Variants in TMEM25 observed in about 807,000 individuals in gnomAD.
TMEM25 encodes 0610039J01Rik.
A neutral mutation model predicts 37.0 loss-of-function variants in TMEM25; 36 were observed. The observed-to-expected ratio is 0.97, with a 90% CI of 0.75 to 1.28. The LOEUF is 1.28. Ranked by LOEUF, TMEM25 falls within the 50% of genes most tolerant of loss-of-function variation. The probability of loss-of-function intolerance (pLI) is 0.00; values close to 1 mark genes in which losing one functional copy is unlikely to be tolerated. For synonymous variants in TMEM25, 197 were observed against 203.7 expected, an observed-to-expected ratio of 0.97 and a Z score of 0.28; for missense variants, 444 against 477.9, an observed-to-expected ratio of 0.93 and a Z score of 0.66.
In TMEM25 at chr11:118,532,181, T is replaced by C; in HGVS notation, c.102T>C (p.Gly34=). 3.1e-6 allele frequency: 5 copies of C among 1,587,898 alleles called. No homozygotes were observed. The highest frequency in any genetic ancestry group is 4.3e-6 in the Non-Finnish European group (5 of 1,165,664). Residue 34 remains glycine (G), a synonymous_variant, in exon 3 of 9, where the codon GGT becomes GGC. Transcript: ENST00000313236. ...GGGAGTTGGAGCCACAAATAGATGG[T>C]CAGACCTGGGCTGAGCGGGCACTTC... ...GWGELEPQID[G]QTWAERALRE... is the part of the protein sequence containing the mutation.
intron 1 of TMEM25, chr11:118,531,551 C>G: frequency 3.5e-6 from 2 of 566,366 alleles, no homozygotes; most frequent in South Asian, 2.4e-5. Context: ...GTATTGTAGC[C>G]TGGAGTCAGT....
intron 8 of TMEM25, among the ~76,000 whole-genome samples, chr11:118,541,480 GA>G (rs1951578467): frequency 7.5e-6 from 1 of 133,864 alleles, no homozygotes; most frequent in Admixed American, 7.5e-5. Context: ...AAAAAAAAAA[GA>G]AAAAGAAACT....
chr11:118,545,063 A>G (rs781875159), intron 8 of TMEM25: 2 of 1,225,852 alleles, frequency 1.6e-6, no homozygotes, highest in Non-Finnish European at 2.4e-6. Flanking sequence ...GCTAATTGCT[A>G]TATTTTAACA....
At chr11:118,541,443 CAG>C (rs1951576937) in intron 8 of TMEM25, among the ~76,000 whole-genome samples, 1 of 130,628 alleles carries the variant, frequency 7.7e-6, no homozygotes, top group Non-Finnish European at 1.6e-5. Context: ...GCCTGGGTGA[CAG>C]AGCGAGACCC....
chr11:118,537,606 C>T (rs1295791035), downstream of TMEM25, among the ~76,000 whole-genome samples: 2 of 149,448 alleles, frequency 1.3e-5, no homozygotes, highest in African/African-American at 4.9e-5. Flanking sequence ...TTGATGGACA[C>T]TTAGGTTGAT....
chr11:118,541,945 C>T (rs1008286946), intron 8 of TMEM25, among the ~76,000 whole-genome samples: 5 of 152,102 alleles, frequency 3.3e-5, no homozygotes, highest in African/African-American at 9.7e-5. Context: ...TTTGTAGAGA[C>T]GTGGTTTCAC....
downstream of TMEM25, among the ~76,000 whole-genome samples, chr11:118,536,664 G>A (rs1316975112): frequency 1.4e-4 from 22 of 152,018 alleles, no homozygotes; most frequent in Admixed American, 1.4e-3. Flanking sequence ...CTATTTCAGG[G>A]GCTCTTGGCT....
Position 118,534,740 on chromosome 11 carries a change from C to T in TMEM25, c.*160C>T, listed in dbSNP as rs1555062332. The T allele has an allele frequency of 3.5e-6, 5 of 1,448,540 alleles. No homozygotes were observed. In the South Asian group the frequency reaches 5.8e-5, roughly 17 times the overall value. The allele number at this position is 1,448,540 out of a possible 1,614,324, so 89.7% of individuals were successfully genotyped here. ...TGCCCTCCATGTCATGCACGTGATG[C>T]ATTTCACTGGGCTGTAACCCGCAGG... On this transcript the variant is annotated 3_prime_UTR_variant, in exon 9 of 9. Coordinates refer to ENST00000313236, the MANE Select transcript of TMEM25 (RefSeq NM_032780.4). The surrounding 1 kb of genome is among the most constrained non-coding windows in gnomAD (Gnocchi z 4.6).
Position 118,534,879 on chromosome 11 carries a change from G to T in TMEM25, c.*299G>T. 7.9e-7 allele frequency: 1 copy of T among 1,266,458 alleles called. No individual in the cohort carries two copies. The highest frequency in any genetic ancestry group is 1.0e-6 in the Non-Finnish European group (1 of 997,664). The allele number at this position is 1,266,458 out of a possible 1,614,324, so 78.5% of individuals were successfully genotyped here. ...TCCAGAGGGAGCTCTTTGGCCAGGGGTGTTCAGATGTCATCCAGCATCCAA... is the reference window on the plus strand; with the variant it reads ...TCCAGAGGGAGCTCTTTGGCCAGGGTTGTTCAGATGTCATCCAGCATCCAA... On this transcript the variant is annotated 3_prime_UTR_variant, in exon 9 of 9. Coordinates refer to ENST00000313236, the MANE Select transcript of TMEM25 (RefSeq NM_032780.4). The surrounding 1 kb of genome is among the most constrained non-coding windows in gnomAD (Gnocchi z 4.6).
chr11:118,539,272 A>G (rs1193703541), downstream of TMEM25, among the ~76,000 whole-genome samples: 6 of 146,894 alleles, frequency 4.1e-5, no homozygotes, highest in Admixed American at 7.0e-5. Context: ...GGTTCAAGCG[A>G]TTCTCCTGCC....
chr11:118,538,290 G>A (rs1281820591), downstream of TMEM25, among the ~76,000 whole-genome samples: 1 of 151,420 alleles, frequency 6.6e-6, no homozygotes, highest in Non-Finnish European at 1.5e-5. Flanking sequence ...TTCTGCCTCA[G>A]CCTCCCCAGT....
downstream of TMEM25, among the ~76,000 whole-genome samples, chr11:118,540,280 G>A (rs1951562393): frequency 6.6e-6 from 1 of 151,910 alleles, no homozygotes; most frequent in Non-Finnish European, 1.5e-5. Context: ...GGCTGTGGGG[G>A]CTTCTGGTTC....
Position 118,534,356 on chromosome 11 carries a change from G to T in TMEM25, c.1027+1G>T. On this transcript the variant is annotated splice_donor_variant, in intron 8 of 8. Coordinates refer to ENST00000313236, the MANE Select transcript of TMEM25 (RefSeq NM_032780.4). LOFTEE classifies it high-confidence loss of function. This position sits in a 1 kb window ranked among gnomAD's most constrained non-coding sequence, Gnocchi z 4.6. ...CCCGGCGGCCTCCTCACCAGCCAAG[G>T]TACTGGGGAAGGGGCCTGCCACCCT... is the stretch of plus-strand genomic sequence containing the variant. The T allele has an allele frequency of 6.2e-7, 1 of 1,613,856 alleles. No homozygotes were observed. The highest frequency in any genetic ancestry group is 8.5e-7 in the Non-Finnish European group (1 of 1,179,900).
intron 8 of TMEM25, chr11:118,544,959 G>A (rs1951639927): frequency 6.2e-7 from 1 of 1,613,788 alleles, no homozygotes; most frequent in Non-Finnish European, 8.5e-7. Context: ...TTGGGAGGTG[G>A]AATTGGATGA....
intron 8 of TMEM25, chr11:118,545,864 C>T: frequency 6.2e-7 from 1 of 1,613,736 alleles, no homozygotes; most frequent in Non-Finnish European, 8.5e-7. Context: ...CTGGAAGGGG[C>T]ATGGAAGGAC....
chr11:118,534,916 C>A lies in TMEM25; in HGVS notation c.*336C>A. On this transcript the variant is annotated 3_prime_UTR_variant, in exon 9 of 9. Coordinates refer to ENST00000313236, the MANE Select transcript of TMEM25 (RefSeq NM_032780.4). This position sits in a 1 kb window ranked among gnomAD's most constrained non-coding sequence, Gnocchi z 4.6. Reference sequence around the variant, plus strand: ...CATCCAGCATCCAAGTGTGGCATGGCCTGCTGTATACCCCACCCCAGTACT... The same window carrying A: ...CATCCAGCATCCAAGTGTGGCATGGACTGCTGTATACCCCACCCCAGTACT... The A allele has an allele frequency of 1.7e-6, 2 of 1,206,164 alleles. No homozygotes were observed. The highest frequency in any genetic ancestry group is 3.9e-5 in the South Asian group (2 of 51,578). The allele number at this position is 1,206,164 out of a possible 1,614,324, so 74.7% of individuals were successfully genotyped here.
downstream of TMEM25, among the ~76,000 whole-genome samples, chr11:118,540,016 G>A (rs1166300431): frequency 3.4e-5 from 4 of 118,940 alleles, no homozygotes; most frequent in African/African-American, 1.1e-4. Context: ...GCAAGACTCC[G>A]TCTCAAAAAA....
At chr11:118,532,655 A>G in intron 3 of TMEM25, 194 bp downstream of exon 3, 1 of 805,382 alleles carries the variant, frequency 1.2e-6, no homozygotes, top group Non-Finnish European at 1.9e-6. Context: ...AAACTGAGGC[A>G]GAAAGAGGTA....
chr11:118,535,121 G>C lies in TMEM25; in HGVS notation c.*541G>C. Reference sequence around the variant, plus strand: ...ACAGAAACCAACCCCTGACCCAGCGGTACCGGCCAAGCACAAACGTCCTTT... The same window carrying C: ...ACAGAAACCAACCCCTGACCCAGCGCTACCGGCCAAGCACAAACGTCCTTT... On this transcript the variant is annotated 3_prime_UTR_variant, in exon 9 of 9. Coordinates refer to ENST00000313236, the MANE Select transcript of TMEM25 (RefSeq NM_032780.4). 9.8e-7 allele frequency: 1 copy of C among 1,019,438 alleles called. No homozygotes were observed. Among genetic ancestry groups the C allele is most frequent in the Non-Finnish European group, 1.2e-6 (1 of 851,998 alleles). 63.1% of individuals were successfully genotyped at this position (1,019,438 alleles called of 1,614,324 possible).
Sources: gnomAD v4.1 joint callset for allele counts (sites outside exome capture counted in the v4.1 genomes callset) on GRCh38, gnomAD v4.1.1 for gene constraint, Gnocchi (gnomAD v3.1) non-coding constraint, MANE v1.5 for transcripts, NCBI Gene and HGNC (gene_info 2026-07-23, HGNC 2026-07-21) for gene names.